The following PAPPA variants were observed in gnomAD, a reference collection of about 807,000 sequenced individuals.
The protein encoded by PAPPA is pappalysin 1, also known as pappalysin-1.
Under a neutral mutation model 164.0 loss-of-function variants are expected in PAPPA, and 60 were observed. The observed-to-expected ratio is 0.37, with a 90% CI of 0.30 to 0.45. The LOEUF is 0.45. Among genes scored for constraint, PAPPA ranks in the 20% least tolerant of loss-of-function variants. PAPPA has a pLI of 1.00. For synonymous variants in PAPPA, 875 were observed against 814.1 expected (o/e 1.07, Z -1.27); for missense variants, 1,782 against 2,087.3 (o/e 0.85, Z 2.85).
intron 10 of PAPPA, among the ~76,000 whole-genome samples, chr9:116,314,058 A>G (rs1845755927): frequency 1.8e-5 from 2 of 109,912 alleles, no homozygotes; most frequent in African/African-American, 7.1e-5. Flanking sequence ...ATTGCATCGA[A>G]TCTTTTTTTT....
At chr9:116,227,995 G>T (rs1317514526) in intron 6 of PAPPA, among the ~76,000 whole-genome samples, 2 of 152,104 alleles carry the variant, frequency 1.3e-5, no homozygotes, top group Non-Finnish European at 2.9e-5. Flanking sequence ...CACATGTGTT[G>T]CAACTATTCC....
intron 11 of PAPPA, 89 bp from the exon 12 acceptor site, chr9:116,332,244 A>T: frequency 1.7e-6 from 2 of 1,148,488 alleles, no homozygotes; most frequent in Non-Finnish European, 2.5e-6. Context: ...TTAAAAAGGA[A>T]GTTTCTCCTC....
At position 116,377,761 on chromosome 9, in the gene PAPPA, A is replaced by G. The variant is rs569780831; in HGVS notation, c.4677+114A>G. On this transcript the variant is annotated intron_variant, in intron 20 of 21. Transcript: ENST00000328252. ...GCCATACCTACTGAGTGTTGAAAATATCCATTTAGCAGACTTCTTGGACAG... is the reference window on the plus strand; with the variant it reads ...GCCATACCTACTGAGTGTTGAAAATGTCCATTTAGCAGACTTCTTGGACAG... The G allele has an allele frequency of 6.6e-6, 5 of 763,000 alleles. No individual in the cohort carries two copies. In the East Asian group the frequency reaches 1.1e-4, roughly 16 times the overall value. The allele number at this position is 763,000 out of a possible 1,614,324, so 47.3% of individuals were successfully genotyped here. A position where few individuals can be genotyped will look rare whatever the true frequency, so the allele number is the denominator to read the frequency against.
intron 1 of PAPPA, among the ~76,000 whole-genome samples, chr9:116,166,132 G>A (rs758709022): frequency 4.6e-5 from 7 of 152,276 alleles, no homozygotes; most frequent in African/African-American, 1.4e-4. Flanking sequence ...CCTAGCATGT[G>A]CATCACTGTC....
intron 2 of PAPPA, among the ~76,000 whole-genome samples, chr9:116,196,241 C>G (rs1167062415): frequency 6.6e-6 from 1 of 152,202 alleles, no homozygotes; most frequent in Non-Finnish European, 1.5e-5. Context: ...CTTCTTTCAT[C>G]CCTTTCCCAA....
chr9:116,394,654 T>C (rs1360546330), intron 21 of PAPPA, among the ~76,000 whole-genome samples: 3 of 152,166 alleles, frequency 2.0e-5, no homozygotes, highest in Non-Finnish European at 4.4e-5. Flanking sequence ...AGATTCTAGA[T>C]GGAATATCCT....
chr9:116,347,691 G>A lies in PAPPA; in HGVS notation c.3964+482G>A, dbSNP rs1464653716. ...GTGGTGGGGACCATATTGAAACCCA[G>A]GTCTGTTGTTCTCCAATGCTGGCTG... On this transcript the variant is annotated intron_variant, in intron 15 of 21. Transcript: ENST00000328252. This position sits in a 1 kb window ranked among gnomAD's most constrained non-coding sequence, Gnocchi z 4.5. Among the ~76,000 whole-genome samples the A allele has an allele frequency of 6.6e-6, 1 of 152,156 alleles. No individual in the cohort carries two copies. Among genetic ancestry groups the A allele is most frequent in the Non-Finnish European group, 1.5e-5 (1 of 68,032 alleles).
At chr9:116,297,965 T>C (rs1417433181) in intron 9 of PAPPA, among the ~76,000 whole-genome samples, 1 of 152,080 alleles carries the variant, frequency 6.6e-6, no homozygotes. Context: ...CATAGGGAGG[T>C]GAAATACCAT....
intron 17 of PAPPA, among the ~76,000 whole-genome samples, chr9:116,354,785 G>A (rs1449262248): frequency 1.3e-5 from 2 of 152,082 alleles, no homozygotes; most frequent in African/African-American, 2.4e-5. Context: ...CCTCTTTCCA[G>A]TACATTCTTC....
intron 1 of PAPPA, among the ~76,000 whole-genome samples, chr9:116,156,230 G>A (rs1280081127): frequency 1.3e-5 from 2 of 150,318 alleles, no homozygotes; most frequent in African/African-American, 2.4e-5. Flanking sequence ...ATCAGTGAAA[G>A]GGTAGTGAAT....
chr9:116,262,553 C>A (rs538124328), intron 7 of PAPPA, among the ~76,000 whole-genome samples: 1 of 152,088 alleles, frequency 6.6e-6, no homozygotes, highest in South Asian at 2.1e-4. Flanking sequence ...AATATTCTGA[C>A]GATGTTGGCA....
intron 1 of PAPPA, among the ~76,000 whole-genome samples, chr9:116,158,227 C>T (rs1342912275): frequency 6.6e-6 from 1 of 152,156 alleles, no homozygotes; most frequent in East Asian, 1.9e-4. Flanking sequence ...TTCCCTTCTG[C>T]ACCCCCACTT....
intron 1 of PAPPA, among the ~76,000 whole-genome samples, chr9:116,162,054 C>T (rs1843670333): frequency 6.6e-6 from 1 of 152,122 alleles, no homozygotes; most frequent in Admixed American, 6.5e-5. Context: ...TCCCCATCCC[C>T]TCCTCTCTGT....
At position 116,240,087 on chromosome 9, in the gene PAPPA, A is replaced by C. The variant is rs1233016147; in HGVS notation, c.2732+4450A>C. 2.6e-5 allele frequency among the ~76,000 whole-genome samples: 4 copies of C among 152,360 alleles called. No homozygotes were observed. The East Asian group carries it at 5.8e-4, about 22-fold the overall frequency. On this transcript the variant is annotated intron_variant, in intron 7 of 21. Coordinates refer to ENST00000328252, the MANE Select transcript of PAPPA (RefSeq NM_002581.5). ...TCTCCAAGAAGTAAATACTCTGGAC[A>C]AAACTGAGAAAGCAAAGTATAAAGC... is the stretch of plus-strand genomic sequence containing the variant.
chr9:116,193,643 AG>A (rs1844070308), intron 2 of PAPPA, among the ~76,000 whole-genome samples: 1 of 152,170 alleles, frequency 6.6e-6, no homozygotes, highest in African/African-American at 2.4e-5. Context: ...AAACCTGGAA[AG>A]GTTACATTTA....
chr9:116,303,876 A>T (rs1241340741), intron 10 of PAPPA, among the ~76,000 whole-genome samples: 1 of 152,180 alleles, frequency 6.6e-6, no homozygotes, highest in Non-Finnish European at 1.5e-5. Context: ...GGACTACCTC[A>T]TTTTTAGTTG....
chr9:116,237,209 A>C (rs980408160), intron 7 of PAPPA, among the ~76,000 whole-genome samples: 4 of 152,222 alleles, frequency 2.6e-5, no homozygotes, highest in Non-Finnish European at 5.9e-5. Context: ...TGCACATCAC[A>C]GGCAAACTCT....
intron 9 of PAPPA, chr9:116,286,117 A>G (rs914830404): frequency 1.3e-5 from 2 of 152,164 alleles, no homozygotes; most frequent in Non-Finnish European, 2.9e-5. Context: ...TATCTTAGCC[A>G]GCAGTACTTT....
At position 116,400,075 on chromosome 9, in the gene PAPPA, A is replaced by C. The variant is rs1438331505; in HGVS notation, c.*3459A>C. ...AGAAAGGAAATTATAAGGTCAAGTTAACAGTTTTGAGGTTTTGTGTTTTTT... is the reference window on the plus strand; with the variant it reads ...AGAAAGGAAATTATAAGGTCAAGTTCACAGTTTTGAGGTTTTGTGTTTTTT... On this transcript the variant is annotated 3_prime_UTR_variant, in exon 22 of 22. Transcript: ENST00000328252. 6.6e-6 allele frequency: 1 copy of C among 152,626 alleles called. No homozygotes were observed. The highest frequency in any genetic ancestry group is 1.5e-5 in the Non-Finnish European group (1 of 68,028). The allele number at this position is 152,626 out of a possible 1,614,324, so 9.5% of individuals were successfully genotyped here. A position where few individuals can be genotyped will look rare whatever the true frequency, so the allele number is the denominator to read the frequency against.
Sources: allele counts gnomAD v4.1 joint callset (sites outside exome capture counted in the v4.1 genomes callset), GRCh38; gene constraint gnomAD v4.1.1; non-coding constraint Gnocchi (gnomAD v3.1); transcripts MANE v1.5; gene names NCBI Gene and HGNC (gene_info 2026-07-23, HGNC 2026-07-21).